Variants in NBAS observed in about 807,000 individuals in gnomAD.
NBAS encodes NAG/BC035112 fusion.
In NBAS, 219 loss-of-function variants were observed where a neutral mutation model predicts 302.5. The ratio of observed to expected loss-of-function variants is 0.72; its 90% CI spans 0.65 to 0.81. The LOEUF (loss-of-function observed/expected upper bound fraction) is 0.81, where lower values mean the gene tolerates loss of function less well. Ranked by LOEUF, NBAS falls within the 30% of genes least tolerant of loss-of-function variation. The pLI, the probability that NBAS is intolerant of heterozygous loss-of-function variation, is 0.00. For synonymous variants in NBAS, 1,118 were observed against 1,021.6 expected (o/e 1.09, Z -1.80); for missense variants, 2,932 against 2,841.6 (o/e 1.03, Z -0.72).
chr2:15,088,121 G>GGCAGGTCGA, the NBAS span, among the ~76,000 whole-genome samples: 1 of 152,172 alleles, frequency 6.6e-6, no homozygotes, highest in Admixed American at 6.5e-5. Context: ...AGGCTGGGTG[G>GGCAGGTCGA]GCAGGTCGAG....
At chr2:14,913,484 G>C in the NBAS span, among the ~76,000 whole-genome samples, 4 of 152,076 alleles carry the variant, frequency 2.6e-5, no homozygotes, top group Non-Finnish European at 5.9e-5. Context: ...ACATATAGGT[G>C]GTGGAGTGGC....
At chr2:14,900,179 G>A in the NBAS span, among the ~76,000 whole-genome samples, 1 of 149,032 alleles carries the variant, frequency 6.7e-6, no homozygotes, top group African/African-American at 2.5e-5. Context: ...CATTTGCTCA[G>A]CTGCTTTTCT....
the NBAS span, among the ~76,000 whole-genome samples, chr2:14,908,504 G>A: frequency 6.6e-6 from 1 of 152,220 alleles, no homozygotes; most frequent in Non-Finnish European, 1.5e-5. Context: ...TTTTTACGTG[G>A]AGAGGGTTTG....
the NBAS span, among the ~76,000 whole-genome samples, chr2:14,891,637 G>C: frequency 6.6e-6 from 1 of 152,144 alleles, no homozygotes; most frequent in Non-Finnish European, 1.5e-5. Context: ...GCATGACGGA[G>C]AGCAAATGGA....
intron 35 of NBAS, among the ~76,000 whole-genome samples, chr2:15,345,519 A>G (rs1428839851): frequency 6.6e-6 from 1 of 152,238 alleles, no homozygotes; most frequent in Non-Finnish European, 1.5e-5. Flanking sequence ...AAACAAATGG[A>G]AAACTATTTC....
chr2:14,807,834 T>A, the NBAS span, among the ~76,000 whole-genome samples: 1 of 152,150 alleles, frequency 6.6e-6, no homozygotes. Flanking sequence ...TGAAGATAAT[T>A]AAATGAGATA....
chr2:15,460,235 A>G (rs1679447393), intron 21 of NBAS, among the ~76,000 whole-genome samples: 1 of 152,228 alleles, frequency 6.6e-6, no homozygotes, highest in East Asian at 1.9e-4. Context: ...ACTTTACAGT[A>G]TACTATAGTT....
chr2:14,855,076 C>T, the NBAS span, among the ~76,000 whole-genome samples: 1 of 151,992 alleles, frequency 6.6e-6, no homozygotes. Flanking sequence ...ATCCAGGATA[C>T]ACCCCAGCCA....
At chr2:15,211,637 T>C (rs1666415886) in intron 48 of NBAS, among the ~76,000 whole-genome samples, 1 of 152,224 alleles carries the variant, frequency 6.6e-6, no homozygotes, top group African/African-American at 2.4e-5. Context: ...AGAGAAGATA[T>C]TGTTGTGCAA....
chr2:15,089,362 T>C, the NBAS span, among the ~76,000 whole-genome samples: 2 of 152,162 alleles, frequency 1.3e-5, no homozygotes, highest in Admixed American at 6.5e-5. Context: ...TTAAAATTCA[T>C]AATCACCCCA....
the NBAS span, among the ~76,000 whole-genome samples, chr2:14,997,383 T>C: frequency 2.0e-4 from 30 of 151,586 alleles, no homozygotes; most frequent in African/African-American, 7.0e-4. Context: ...CACATGAACT[T>C]GGTCTTCTGC....
At chr2:15,434,219 CAA>C (rs1355238144) in intron 21 of NBAS, among the ~76,000 whole-genome samples, 9 of 151,936 alleles carry the variant, frequency 5.9e-5, no homozygotes, top group Admixed American at 2.0e-4. Flanking sequence ...GTCAACAAAA[CAA>C]GAGAGATAAA....
intron 11 of NBAS, among the ~76,000 whole-genome samples, chr2:15,490,892 T>C (rs1490552288): frequency 6.6e-6 from 1 of 152,170 alleles, no homozygotes; most frequent in Non-Finnish European, 1.5e-5. Flanking sequence ...TCATGTGTGA[T>C]CTGTACGGTA....
chr2:14,925,488 T>C, the NBAS span, among the ~76,000 whole-genome samples: 1 of 152,196 alleles, frequency 6.6e-6, no homozygotes, highest in African/African-American at 2.4e-5. Context: ...CCATAAAATA[T>C]GCTCATAAAA....
At chr2:15,232,762 T>C (rs376783379) in intron 46 of NBAS, among the ~76,000 whole-genome samples, 1 of 152,222 alleles carries the variant, frequency 6.6e-6, no homozygotes, top group Admixed American at 6.5e-5. Context: ...CACATTCTAC[T>C]TGCGCTGTGT....
chr2:15,400,403 G>T (rs113920580), intron 26 of NBAS, among the ~76,000 whole-genome samples: 1 of 152,084 alleles, frequency 6.6e-6, no homozygotes, highest in Non-Finnish European at 1.5e-5. Context: ...ACCTAGTTCC[G>T]CAGTATAAAC....
rs1484217979 is a variant in NBAS at position 15,539,346 on chromosome 2, G to C, written c.390C>G (p.Asp130Glu). The C allele has an allele frequency of 1.2e-6, 2 of 1,614,182 alleles. No homozygotes were observed. The highest frequency in any genetic ancestry group is 1.7e-6 in the Non-Finnish European group (2 of 1,180,026). ...SIIGKCQVPK[D>E]PKPQWRRVAW... ...CTACCCGTCTCCACTGGGGTTTCGG[G>C]TCTTTCGGAACTAGAACAAAAGAAA... Residue 130 changes from aspartate (D) to glutamate (E), a missense_variant, in exon 7 of 52, where the codon GAC (aspartate) becomes GAG (glutamate). By Grantham distance (45) the Asp-to-Glu change is conservative (BLOSUM62 2). Coordinates refer to ENST00000281513, the MANE Select transcript of NBAS (RefSeq NM_015909.4).
the NBAS span, among the ~76,000 whole-genome samples, chr2:15,140,121 G>A: frequency 6.6e-6 from 1 of 152,200 alleles, no homozygotes; most frequent in Admixed American, 6.5e-5. Context: ...GGAAGCCCAA[G>A]TAGCCACATA....
At chr2:15,110,030 T>C in the NBAS span, among the ~76,000 whole-genome samples, 144 of 152,140 alleles carry the variant, frequency 9.5e-4, 1 homozygote, top group East Asian at 0.02. Flanking sequence ...AAATAATTTT[T>C]AAGTGTGAAT....
Sources: allele counts gnomAD v4.1 joint callset (sites outside exome capture counted in the v4.1 genomes callset), GRCh38; gene constraint gnomAD v4.1.1; transcripts MANE v1.5; gene names NCBI Gene and HGNC (gene_info 2026-07-23, HGNC 2026-07-21).